RAB11FIP3: variants seen among roughly 807,000 people sequenced by gnomAD.
RAB11FIP3 encodes RAB11 family interacting protein 3, also known as rab11 family-interacting protein 3.
A neutral mutation model predicts 77.8 loss-of-function variants in RAB11FIP3; 17 were observed. The observed-to-expected ratio is 0.22, with a 90% CI of 0.15 to 0.33. RAB11FIP3 has a LOEUF of 0.33. Among genes scored for constraint, RAB11FIP3 ranks in the 10% least tolerant of loss-of-function variants. The pLI is 1.00. For missense variants in RAB11FIP3, 1,005 were observed against 1,011.2 expected (o/e 0.99, Z 0.08); for synonymous variants, 437 against 448.2 (o/e 0.98, Z 0.31).
At chr16:478,437 C>T (rs1346808118) in intron 3 of RAB11FIP3, among the ~76,000 whole-genome samples, 1 of 151,988 alleles carries the variant, frequency 6.6e-6, no homozygotes, top group Non-Finnish European at 1.5e-5. Context: ...GTGATCCACC[C>T]GCCTCGGCCT....
intron 1 of RAB11FIP3, among the ~76,000 whole-genome samples, chr16:458,461 C>T (rs1284865227): frequency 2.0e-5 from 3 of 146,812 alleles, no homozygotes; most frequent in African/African-American, 5.1e-5. Flanking sequence ...TTCACCGATG[C>T]CCACAGGGCC....
rs191367240 is a variant in RAB11FIP3 at position 458,789 on chromosome 16, C to T, written c.715-2615C>T. ...AGTCTGCCCCCTCTGTGGCTGAATGCTGCCTCCTTTTTCCTTTCTCCCTGG... is the reference window on the plus strand; with the variant it reads ...AGTCTGCCCCCTCTGTGGCTGAATGTTGCCTCCTTTTTCCTTTCTCCCTGG... On this transcript the variant is annotated intron_variant, in intron 1 of 13. Transcript: ENST00000262305. 7.9e-4 allele frequency among the ~76,000 whole-genome samples: 120 copies of T among 152,376 alleles called. 1 individual carries two copies. The highest frequency in any genetic ancestry group is 6.8e-3 in the Middle Eastern group (2 of 294).
chr16:426,646 C>T lies in RAB11FIP3; in HGVS notation c.640C>T (p.Leu214=). 1 of 1,582,790 alleles carries T rather than the reference C, an allele frequency of 6.3e-7. No individual in the cohort carries two copies. The part of the protein sequence containing the change: ...GPRLRAVFDA[L]DGDGDGFVRI... ...CCGCCTCCGAGCCGTGTTCGATGCC[C>T]TGGACGGGGATGGGGACGGTTTCGT... The change falls in exon 1 of 14, where the codon CTG becomes TTG. Residue 214 remains leucine, a synonymous_variant. Transcript: ENST00000262305. The surrounding 1 kb of genome is among the most constrained non-coding windows in gnomAD (Gnocchi z 5.0).
intron 1 of RAB11FIP3, among the ~76,000 whole-genome samples, chr16:430,407 C>T (rs963950362): frequency 2.0e-5 from 3 of 152,148 alleles, no homozygotes; most frequent in Non-Finnish European, 2.9e-5. Flanking sequence ...GAATGTCCTT[C>T]AGTAACCTTG....
chr16:482,920 C>G (rs892794509), intron 4 of RAB11FIP3, among the ~76,000 whole-genome samples, 184 bp downstream of exon 4: 1 of 152,244 alleles, frequency 6.6e-6, no homozygotes, highest in African/African-American at 2.4e-5. Flanking sequence ...TCCTGCCCGC[C>G]TTGCCCGAGC....
intron 1 of RAB11FIP3, among the ~76,000 whole-genome samples, chr16:429,607 C>A (rs900775205): frequency 6.6e-6 from 1 of 151,510 alleles, no homozygotes; most frequent in Non-Finnish European, 1.5e-5. Flanking sequence ...TCAAGCGATT[C>A]TCCTGCTTCA....
Position 521,044 on chromosome 16 carries a change from A to G in RAB11FIP3, c.*205A>G. 1 of 591,482 alleles carries G rather than the reference A, an allele frequency of 1.7e-6. No homozygotes were observed. 36.6% of individuals were successfully genotyped at this position (591,482 alleles called of 1,614,324 possible). On this transcript the variant is annotated 3_prime_UTR_variant, in exon 14 of 14. Transcript: ENST00000262305. ...TGGTGGAGAGGAGAGGGAGAAAGGG[A>G]AGTCCCAGGGCCCGGGGTCCACAGA...
chr16:467,858 CAGGG>C (rs1369214042), intron 2 of RAB11FIP3, among the ~76,000 whole-genome samples: 1 of 95,064 alleles, frequency 1.1e-5, no homozygotes, highest in Non-Finnish European at 2.1e-5. Context: ...GCTGGGGCCT[CAGGG>C]AGGAGGTGCT....
intron 1 of RAB11FIP3, among the ~76,000 whole-genome samples, chr16:447,875 G>A (rs2055342829): frequency 6.6e-6 from 1 of 152,094 alleles, no homozygotes; most frequent in Non-Finnish European, 1.5e-5. Flanking sequence ...AGAACAAAGG[G>A]TTACATTCAG....
intron 4 of RAB11FIP3, among the ~76,000 whole-genome samples, chr16:487,460 C>G (rs1893782563): frequency 6.6e-6 from 1 of 152,188 alleles, no homozygotes; most frequent in Admixed American, 6.5e-5. Flanking sequence ...TGGGATTCAT[C>G]CTGAGCTGTC....
intron 9 of RAB11FIP3, among the ~76,000 whole-genome samples, chr16:511,285 G>A (rs867989488): frequency 2.1e-4 from 27 of 129,778 alleles, no homozygotes; most frequent in African/African-American, 7.6e-4. Context: ...TGCAGGCCAG[G>A]TAGGAGAGGT....
Position 505,404 on chromosome 16 carries a change from C to T in RAB11FIP3, c.1396-120C>T. Reference sequence around the variant, plus strand: ...CAAGTTGGATCCAACACCAGCCTAGCTAGGTGGATCTGATTCTGTGCTGAG... The same window carrying T: ...CAAGTTGGATCCAACACCAGCCTAGTTAGGTGGATCTGATTCTGTGCTGAG... On this transcript the variant is annotated intron_variant, in intron 7 of 13. Transcript: ENST00000262305. This position sits in a 1 kb window ranked among gnomAD's most constrained non-coding sequence, Gnocchi z 4.0. 1 of 717,820 alleles carries T rather than the reference C, an allele frequency of 1.4e-6. No homozygotes were observed. Among genetic ancestry groups the T allele is most frequent in the East Asian group, 2.7e-5 (1 of 36,578 alleles). The allele number at this position is 717,820 out of a possible 1,614,324, so 44.5% of individuals were successfully genotyped here. A position where few individuals can be genotyped will look rare whatever the true frequency, so the allele number is the denominator to read the frequency against.
chr16:507,173 G>A lies in RAB11FIP3; in HGVS notation c.1499+1546G>A, dbSNP rs896822499. Among the ~76,000 whole-genome samples, 11 of 150,430 alleles carry A rather than the reference G, an allele frequency of 7.3e-5. No individual in the cohort carries two copies. The highest frequency in any genetic ancestry group is 2.7e-4 in the Admixed American group (4 of 15,082). ...TGTCTCCAGGCTGGAGTGCAGTGGC[G>A]CAATCTTGGCTCACCGCAACCTCCG... On this transcript the variant is annotated intron_variant, in intron 8 of 13. Transcript: ENST00000262305. The surrounding 1 kb of genome is among the most constrained non-coding windows in gnomAD (Gnocchi z 4.6).
At chr16:469,151 T>C (rs1419641618) in intron 2 of RAB11FIP3, among the ~76,000 whole-genome samples, 1 of 152,088 alleles carries the variant, frequency 6.6e-6, no homozygotes, top group Non-Finnish European at 1.5e-5. Flanking sequence ...CTGCAACCTC[T>C]GCCTCCCGGG....
chr16:519,408 G>A (rs753628496), intron 10 of RAB11FIP3, among the ~76,000 whole-genome samples: 2 of 152,242 alleles, frequency 1.3e-5, no homozygotes, highest in African/African-American at 2.4e-5. Flanking sequence ...GAAGCTCCCA[G>A]GAAGGATATT....
At chr16:465,675 T>C (rs898276608) in intron 2 of RAB11FIP3, among the ~76,000 whole-genome samples, 1 of 151,590 alleles carries the variant, frequency 6.6e-6, no homozygotes, top group Non-Finnish European at 1.5e-5. Flanking sequence ...AGTGGTGTGA[T>C]CTCGGCTCAC....
At chr16:470,372 A>G (rs1222870268) in intron 2 of RAB11FIP3, among the ~76,000 whole-genome samples, 1 of 152,104 alleles carries the variant, frequency 6.6e-6, no homozygotes, top group Non-Finnish European at 1.5e-5. Flanking sequence ...GGCTGAAGCA[A>G]TCCACCTGCC....
intron 8 of RAB11FIP3, chr16:510,367 T>C (rs920265816): frequency 2.8e-6 from 1 of 357,282 alleles, no homozygotes; most frequent in African/African-American, 2.1e-5. Flanking sequence ...GCCCTCTGAG[T>C]GCTGCGGTCC....
chr16:440,323 G>T (rs941906420), intron 1 of RAB11FIP3, among the ~76,000 whole-genome samples: 1 of 151,746 alleles, frequency 6.6e-6, no homozygotes, highest in Non-Finnish European at 1.5e-5. Context: ...TAGAGATGGG[G>T]TTTCGCCATG....
Sources: gnomAD v4.1 joint callset for allele counts (sites outside exome capture counted in the v4.1 genomes callset) on GRCh38, gnomAD v4.1.1 for gene constraint, Gnocchi (gnomAD v3.1) non-coding constraint, MANE v1.5 for transcripts, NCBI Gene and HGNC (gene_info 2026-07-23, HGNC 2026-07-21) for gene names.